The following FILIP1L variants were observed in gnomAD, a reference collection of about 807,000 sequenced individuals.
FILIP1L encodes filamin A interacting protein 1 like.
In FILIP1L, 55 loss-of-function variants were observed where a neutral mutation model predicts 96.6. The ratio of observed to expected loss-of-function variants is 0.57; its 90% CI spans 0.46 to 0.71. The LOEUF is 0.71. FILIP1L is among the 30% of genes least tolerant of loss of function. FILIP1L has a pLI of 0.00. For synonymous variants in FILIP1L, 467 were observed against 473.9 expected, an observed-to-expected ratio of 0.99 and a Z score of 0.19; for missense variants, 1,304 against 1,321.2, an observed-to-expected ratio of 0.99 and a Z score of 0.20.
At chr3:99,835,070 C>A (rs879352082) in intron 5 of FILIP1L, among the ~76,000 whole-genome samples, 8 of 152,126 alleles carry the variant, frequency 5.3e-5, no homozygotes, top group Non-Finnish European at 8.8e-5. Context: ...GGTCATAATC[C>A]TAACTTCTTT....
chr3:100,054,492 G>GTTATA (rs1220573493), intron 1 of FILIP1L, among the ~76,000 whole-genome samples: 19 of 33,684 alleles, frequency 5.6e-4, no homozygotes, highest in Non-Finnish European at 9.2e-4. Flanking sequence ...GTTATGTTTT[G>GTTATA]TTATGTTATG....
chr3:99,953,358 T>C (rs1159354532), intron 1 of FILIP1L, among the ~76,000 whole-genome samples: 1 of 152,150 alleles, frequency 6.6e-6, no homozygotes, highest in Non-Finnish European at 1.5e-5. Flanking sequence ...TAGAATTTCT[T>C]AGACTGAGAA....
chr3:99,990,576 G>C (rs1315515264), intron 1 of FILIP1L, among the ~76,000 whole-genome samples: 2 of 152,042 alleles, frequency 1.3e-5, no homozygotes, highest in Admixed American at 1.3e-4. Flanking sequence ...AGAATTACTG[G>C]AGAGCCTCTA....
At chr3:99,950,016 C>T (rs372573265) in intron 1 of FILIP1L, among the ~76,000 whole-genome samples, 59 of 152,218 alleles carry the variant, frequency 3.9e-4, no homozygotes, top group Middle Eastern at 6.8e-3. Context: ...CTTCTACCTT[C>T]GACTTTATAT....
intron 1 of FILIP1L, among the ~76,000 whole-genome samples, chr3:100,074,292 G>A (rs764366801): frequency 1.3e-5 from 2 of 152,154 alleles, no homozygotes; most frequent in Non-Finnish European, 2.9e-5. Context: ...CAAAATGCAA[G>A]GCAAAGGTTT....
At chr3:99,872,699 G>C (rs999297109) in intron 4 of FILIP1L, among the ~76,000 whole-genome samples, 1 of 152,154 alleles carries the variant, frequency 6.6e-6, no homozygotes, top group African/African-American at 2.4e-5. Flanking sequence ...AAAGAATACT[G>C]CTAATGTGTT....
chr3:100,030,982 A>G (rs1239552387), intron 1 of FILIP1L, among the ~76,000 whole-genome samples: 2 of 152,176 alleles, frequency 1.3e-5, no homozygotes, highest in Non-Finnish European at 2.9e-5. Flanking sequence ...TGAGAAATAT[A>G]TTTACCACCT....
chr3:99,990,601 T>C (rs1709483421), intron 1 of FILIP1L, among the ~76,000 whole-genome samples: 1 of 152,192 alleles, frequency 6.6e-6, no homozygotes, highest in East Asian at 1.9e-4. Context: ...ATACCAATTC[T>C]TGTGCTTCAC....
intron 1 of FILIP1L, among the ~76,000 whole-genome samples, chr3:100,100,230 G>A (rs559612050): frequency 6.6e-6 from 1 of 152,132 alleles, no homozygotes; most frequent in Non-Finnish European, 1.5e-5. Flanking sequence ...TTCAAGGGTT[G>A]TACATCCTGA....
At chr3:100,032,431 A>G (rs908519190) in intron 1 of FILIP1L, among the ~76,000 whole-genome samples, 1 of 152,214 alleles carries the variant, frequency 6.6e-6, no homozygotes, top group South Asian at 2.1e-4. Context: ...TGCAGAGCCA[A>G]CAGAACATTT....
At chr3:100,014,467 A>G (rs747251937) in intron 1 of FILIP1L, among the ~76,000 whole-genome samples, 3 of 152,130 alleles carry the variant, frequency 2.0e-5, no homozygotes, top group Non-Finnish European at 2.9e-5. Flanking sequence ...CCAACAGTGT[A>G]TAAGAGTTCC....
At position 99,924,255 on chromosome 3, in the gene FILIP1L, A is replaced by G; in HGVS notation, c.580T>C (p.Cys194Arg). The G allele has an allele frequency of 6.2e-7, 1 of 1,614,014 alleles. No homozygotes were observed. Among genetic ancestry groups the G allele is most frequent in the Non-Finnish European group, 8.5e-7 (1 of 1,179,986 alleles). The change falls in exon 4 of 6, where the codon TGC becomes CGC. Residue 194 changes from cysteine to arginine, a missense_variant. Transcript: ENST00000477258. ...EYMEKSDEFI[C>R]LLEQECERLK... ...CTTTCACATTCCTGTTCTAGTAGGC[A>G]TATGAATTCATCACTCTTCTCCATG... is the stretch of plus-strand genomic sequence containing the variant.
At chr3:100,029,088 A>T (rs971574706) in intron 1 of FILIP1L, among the ~76,000 whole-genome samples, 1 of 152,046 alleles carries the variant, frequency 6.6e-6, no homozygotes, top group Admixed American at 6.6e-5. Context: ...CTACCCTGGG[A>T]GCTGAGGCAG....
intron 4 of FILIP1L, among the ~76,000 whole-genome samples, chr3:99,922,642 TG>T (rs1707160575): frequency 6.6e-6 from 1 of 152,260 alleles, no homozygotes; most frequent in African/African-American, 2.4e-5. Context: ...ATAAGCCATT[TG>T]AGATTGGTTA....
At chr3:100,103,553 G>A (rs1221253992) in intron 1 of FILIP1L, among the ~76,000 whole-genome samples, 1 of 152,158 alleles carries the variant, frequency 6.6e-6, no homozygotes, top group African/African-American at 2.4e-5. Context: ...TTGGAAGCAC[G>A]GATTGGGCAG....
intron 4 of FILIP1L, among the ~76,000 whole-genome samples, chr3:99,904,551 A>G (rs750130305): frequency 1.3e-5 from 2 of 152,144 alleles, no homozygotes; most frequent in Non-Finnish European, 2.9e-5. Context: ...TGTTATTTTG[A>G]CATCTTTTTA....
intron 4 of FILIP1L, among the ~76,000 whole-genome samples, chr3:99,854,684 T>TG (rs35225638): frequency 0.71 from 107,769 of 151,898 alleles, 38,555 homozygotes; most frequent in East Asian, 0.81. Context: ...AAATGTCTCC[T>TG]GGGGGGCAGT....
In FILIP1L at chr3:99,985,169, C is replaced by G. The variant is rs144109412; in HGVS notation, c.-10-54139G>C. Among the ~76,000 whole-genome samples the G allele has an allele frequency of 4.5e-3, 687 of 152,106 alleles. 7 individuals carry two copies. Among genetic ancestry groups the G allele is most frequent in the African/African-American group, 0.016 (673 of 41,490 alleles). ...AAGAGAAGATTGAACAAAAAATCAT[C>G]CTAGGGGGTCAAAGGTTGTTTTAAA... On this transcript the variant is annotated intron_variant, in intron 1 of 5. Transcript: ENST00000477258.
intron 1 of FILIP1L, among the ~76,000 whole-genome samples, chr3:99,993,833 C>G (rs1420207684): frequency 6.6e-6 from 1 of 152,168 alleles, no homozygotes; most frequent in African/African-American, 2.4e-5. Context: ...CGTACTTGAT[C>G]ATGATATATT....
Sources: gnomAD v4.1 joint callset for allele counts (sites outside exome capture counted in the v4.1 genomes callset) on GRCh38, gnomAD v4.1.1 for gene constraint, MANE v1.5 for transcripts, NCBI Gene and HGNC (gene_info 2026-07-23, HGNC 2026-07-21) for gene names.